DST: variants seen among roughly 807,000 people sequenced by gnomAD.
The protein encoded by DST is dystonin.
A neutral mutation model predicts 875.2 loss-of-function variants in DST; 253 were observed. That is an observed-to-expected ratio of 0.29 (90% confidence interval 0.26 to 0.32). The LOEUF is 0.32. DST is among the 10% of genes least tolerant of loss of function. DST has a pLI of 1.00. For missense variants in DST, 8,287 were observed against 9,111.6 expected (o/e 0.91, Z 3.68); for synonymous variants, 3,124 against 3,197.1 (o/e 0.98, Z 0.77).
intron 49 of DST, among the ~76,000 whole-genome samples, chr6:56,589,398 A>G (rs1442178798): frequency 6.6e-6 from 1 of 152,212 alleles, no homozygotes; most frequent in Admixed American, 6.5e-5. Context: ...TTTTGGAAAA[A>G]AAACTGTTAA....
At chr6:56,674,447 G>A (rs2099118146) in intron 9 of DST, among the ~76,000 whole-genome samples, 1 of 152,058 alleles carries the variant, frequency 6.6e-6, no homozygotes, top group African/African-American at 2.4e-5. Flanking sequence ...ACAGGCATGT[G>A]CTAACATATC....
chr6:56,805,130 A>G lies in DST; in HGVS notation c.625+46267T>C, dbSNP rs2099751606. Among the ~76,000 whole-genome samples the G allele has an allele frequency of 2.0e-5, 3 of 152,248 alleles. No individual in the cohort carries two copies. The South Asian group carries it at 6.2e-4, about 32-fold the overall frequency. On this transcript the variant is annotated intron_variant, in intron 4 of 103. Transcript: ENST00000680361. Reference sequence around the variant, plus strand: ...GACAGAGTTCTCAAGCTAAGTTGATAAATAATTCATAAATCATGTGCATCA... The same window carrying G: ...GACAGAGTTCTCAAGCTAAGTTGATGAATAATTCATAAATCATGTGCATCA...
intron 4 of DST, among the ~76,000 whole-genome samples, chr6:56,736,033 GTTTGT>G (rs1345261261): frequency 7.0e-6 from 1 of 142,394 alleles, no homozygotes; most frequent in East Asian, 1.9e-4. Flanking sequence ...TAATTTTTTT[GTTTGT>G]TTTTTTTGTT....
At chr6:56,575,140 A>T (rs2097845607) in intron 50 of DST, among the ~76,000 whole-genome samples, 1 of 152,152 alleles carries the variant, frequency 6.6e-6, no homozygotes, top group African/African-American at 2.4e-5. Context: ...CGAAAATGCC[A>T]TCGGCAGAGG....
chr6:56,795,447 A>C (rs1420771896), intron 4 of DST, among the ~76,000 whole-genome samples: 1 of 152,198 alleles, frequency 6.6e-6, no homozygotes, highest in African/African-American at 2.4e-5. Context: ...ATAAACTTCC[A>C]GATTAATGGA....
At chr6:56,802,256 T>C (rs576515361) in intron 4 of DST, among the ~76,000 whole-genome samples, 2 of 152,256 alleles carry the variant, frequency 1.3e-5, no homozygotes, top group East Asian at 1.9e-4. Flanking sequence ...CAATCAAAAT[T>C]ATATTTTCTG....
At chr6:56,710,659 A>G (rs2099359691) in intron 5 of DST, among the ~76,000 whole-genome samples, 4 of 152,202 alleles carry the variant, frequency 2.6e-5, no homozygotes, top group Admixed American at 2.6e-4. Flanking sequence ...ATGCTTTTAA[A>G]ATACACACAA....
intron 87 of DST, among the ~76,000 whole-genome samples, chr6:56,486,158 T>C (rs1392854027): frequency 6.6e-6 from 1 of 151,700 alleles, no homozygotes; most frequent in East Asian, 1.9e-4. Context: ...GGTCAGGAGA[T>C]CGAGACCATC....
Position 56,555,662 on chromosome 6 carries a change from T to A in DST, c.14819A>T (p.Asp4940Val). The A allele has an allele frequency of 6.2e-7, 1 of 1,614,024 alleles. No individual in the cohort carries two copies. Among genetic ancestry groups the A allele is most frequent in the East Asian group, 2.2e-5 (1 of 44,874 alleles). Reference protein sequence around the residue: ...SLTGQLSDRCDWIDQAIVKST... With the variant: ...SLTGQLSDRCVWIDQAIVKST... ...TTTAACAATGGCTTGGTCAATCCAG[T>A]CACATCTGTCACTCAATTGCCCTGT... is the stretch of plus-strand genomic sequence containing the variant. The change falls in exon 60 of 104, where the codon GAC becomes GTC. Residue 4940 changes from aspartate to valine, a missense_variant. Asp to Val is a radical substitution (Grantham distance 152). Coordinates refer to ENST00000680361, the MANE Select transcript of DST (RefSeq NM_001374736.1).
At chr6:56,766,173 A>G (rs921431973) in intron 4 of DST, among the ~76,000 whole-genome samples, 1 of 152,248 alleles carries the variant, frequency 6.6e-6, no homozygotes, top group Non-Finnish European at 1.5e-5. Context: ...ACTTCAAGTC[A>G]AAGTCAATTT....
intron 4 of DST, among the ~76,000 whole-genome samples, chr6:56,818,549 T>C (rs2099769384): frequency 6.6e-6 from 1 of 152,164 alleles, no homozygotes; most frequent in African/African-American, 2.4e-5. Flanking sequence ...ATAGCTCCAA[T>C]GATTTGAAGA....
intron 3 of DST, among the ~76,000 whole-genome samples, chr6:56,853,919 CCA>C (rs141015592): frequency 2.0e-5 from 3 of 151,300 alleles, no homozygotes; most frequent in Non-Finnish European, 4.4e-5. Flanking sequence ...AATATGGACC[CCA>C]CACACACACA....
At chr6:56,493,908 A>G in intron 83 of DST, 102 bp downstream of exon 83, 1 of 899,084 alleles carries the variant, frequency 1.1e-6, no homozygotes, top group Non-Finnish European at 1.5e-6. Flanking sequence ...AACATAAATC[A>G]TTGAAAGTTC....
In DST at chr6:56,527,608, T is replaced by G. The variant is rs1462409536; in HGVS notation, c.17807A>C (p.His5936Pro). 3 of 1,613,700 alleles carry G rather than the reference T, an allele frequency of 1.9e-6. No homozygotes were observed. In the African/African-American group the frequency reaches 4.0e-5, roughly 22 times the overall value. Residue 5936 changes from histidine (H) to proline (P), a missense_variant, in exon 68 of 104, where the codon CAC (histidine) becomes CCC (proline). This residue lies in a region of DST where 777 missense variants were observed against 764.8 expected (regional missense o/e 1.02). Coordinates refer to ENST00000680361, the MANE Select transcript of DST (RefSeq NM_001374736.1). ...EQALQLARRL[H>P]STHEELCTWL... ...GGTACACAGCTCTTCGTGTGTGGAG[T>G]GCAGCCGCCTTGCAAGCTGCAGCGC...
chr6:56,889,080 C>T (rs1786024755), intron 3 of DST, among the ~76,000 whole-genome samples: 1 of 152,182 alleles, frequency 6.6e-6, no homozygotes, highest in African/African-American at 2.4e-5. Context: ...AAGTTATAAG[C>T]GATCCTCAGT....
At position 56,897,792 on chromosome 6, in the gene DST, C is replaced by A. The variant is rs542468099; in HGVS notation, c.417+2629G>T. ...AGGTAGGTTGGGTCAACAGGAGATA[C>A]CACTGAGAGCACGAGCTAAGAGAGC... On this transcript the variant is annotated intron_variant, in intron 3 of 103. Coordinates refer to ENST00000680361, the MANE Select transcript of DST (RefSeq NM_001374736.1). Among the ~76,000 whole-genome samples, 7 of 152,238 alleles carry A rather than the reference C, an allele frequency of 4.6e-5. 1 individual carries two copies. In the South Asian group the frequency reaches 1.5e-3, roughly 32 times the overall value.
intron 46 of DST, 77 bp downstream of exon 46, chr6:56,598,399 C>T (rs2098412365): frequency 1.2e-6 from 1 of 864,672 alleles, no homozygotes; most frequent in East Asian, 2.8e-5. Flanking sequence ...TTTACTACCA[C>T]TGGATATTAA....
chr6:56,536,072 G>A (rs1044395890), intron 62 of DST, among the ~76,000 whole-genome samples: 2 of 152,172 alleles, frequency 1.3e-5, no homozygotes, highest in Non-Finnish European at 1.5e-5. Context: ...AACAACAAGA[G>A]TAACCACCAC....
chr6:56,949,457 T>C (rs1821267900), intron 2 of DST, among the ~76,000 whole-genome samples: 1 of 152,176 alleles, frequency 6.6e-6, no homozygotes. Context: ...GGCACAGCAG[T>C]TCAGTTAGCA....
Sources: allele counts gnomAD v4.1 joint callset (sites outside exome capture counted in the v4.1 genomes callset), GRCh38; gene constraint gnomAD v4.1.1; regional missense constraint gnomAD v4.1.1; transcripts MANE v1.5; gene names NCBI Gene and HGNC (gene_info 2026-07-23, HGNC 2026-07-21).